Variants in ZC3H18 observed in about 807,000 individuals in gnomAD.
ZC3H18 encodes zinc finger CCCH domain-containing protein 18.
ZC3H18 carries 8 observed loss-of-function variants against 106.1 expected under a neutral mutation model. That is an observed-to-expected ratio of 0.08 (90% CI 0.04 to 0.14). The LOEUF (loss-of-function observed/expected upper bound fraction) is 0.14. ZC3H18 is among the 10% of genes least tolerant of loss of function. The pLI, the probability that ZC3H18 is intolerant of heterozygous loss-of-function variation, is 1.00. For synonymous variants in ZC3H18, 635 were observed against 522.1 expected (o/e 1.22, Z -2.95); for missense variants, 1,318 against 1,278.4 (o/e 1.03, Z -0.47).
intron 1 of ZC3H18, among the ~76,000 whole-genome samples, chr16:88,571,292 A>G (rs1165165294): frequency 6.6e-6 from 1 of 152,210 alleles, no homozygotes; most frequent in Non-Finnish European, 1.5e-5. Flanking sequence ...ACTCATTTGC[A>G]AGAGTAGGTC....
intron 2 of ZC3H18, among the ~76,000 whole-genome samples, chr16:88,584,268 C>G (rs927791862): frequency 1.3e-5 from 2 of 151,932 alleles, no homozygotes; most frequent in African/African-American, 4.8e-5. Flanking sequence ...CTAAAAATAA[C>G]AAAATTAGCC....
intron 3 of ZC3H18, among the ~76,000 whole-genome samples, chr16:88,588,103 T>C (rs542697510): frequency 6.6e-6 from 1 of 152,346 alleles, no homozygotes; most frequent in South Asian, 2.1e-4. Context: ...TGCGGTACGT[T>C]TTGGAAAAGC....
chr16:88,577,881 A>T (rs191444128), intron 2 of ZC3H18, among the ~76,000 whole-genome samples, 155 bp downstream of exon 2: 1 of 152,342 alleles, frequency 6.6e-6, no homozygotes, highest in South Asian at 2.1e-4. Context: ...GTTCAGTCCC[A>T]TAGTGATTGG....
chr16:88,582,605 G>C (rs1331246339), intron 2 of ZC3H18, among the ~76,000 whole-genome samples: 1 of 152,110 alleles, frequency 6.6e-6, no homozygotes, highest in Non-Finnish European at 1.5e-5. Context: ...TATTGCCAAA[G>C]CCCAGGAAGC....
intron 3 of ZC3H18, among the ~76,000 whole-genome samples, chr16:88,589,612 CG>C (rs1322834911): frequency 6.6e-6 from 1 of 151,296 alleles, no homozygotes; most frequent in African/African-American, 2.4e-5. Context: ...GCAACGTGGA[CG>C]AGCCTTGAAG....
chr16:88,592,932 A>G (rs951334558), intron 3 of ZC3H18, among the ~76,000 whole-genome samples: 1 of 152,232 alleles, frequency 6.6e-6, no homozygotes, highest in Non-Finnish European at 1.5e-5. Context: ...TTATTAAAGT[A>G]ATATTTATGT....
intron 6 of ZC3H18, among the ~76,000 whole-genome samples, chr16:88,601,796 GC>G (rs1436449167): frequency 6.6e-6 from 1 of 152,108 alleles, no homozygotes; most frequent in Non-Finnish European, 1.5e-5. Flanking sequence ...GGCCTTTTGT[GC>G]CATGCCTCCC....
At chr16:88,576,420 T>C (rs879452287) in intron 1 of ZC3H18, among the ~76,000 whole-genome samples, 2 of 152,126 alleles carry the variant, frequency 1.3e-5, no homozygotes, top group African/African-American at 2.4e-5. Flanking sequence ...CAGCTACCTG[T>C]ATGGGAAGAG....
rs1221804235 is a variant in ZC3H18, at chr16:88,631,707, C to T, written c.*408C>T. On this transcript the variant is annotated 3_prime_UTR_variant, in exon 18 of 18. Transcript: ENST00000301011. ...GAGCTGAGAAACGGAACCTCGCGAA[C>T]CACTGGTGGCACATCCTTCTCCTCC... is the stretch of plus-strand genomic sequence containing the variant. 4.5e-6 allele frequency: 2 copies of T among 446,388 alleles called. No individual in the cohort carries two copies. Among genetic ancestry groups the T allele is most frequent in the African/African-American group, 4.0e-5 (2 of 49,638 alleles). The allele number at this position is 446,388 out of a possible 1,614,324, so 27.7% of individuals were successfully genotyped here.
intron 2 of ZC3H18, among the ~76,000 whole-genome samples, chr16:88,584,608 G>A (rs370561619): frequency 7.2e-5 from 11 of 152,176 alleles, no homozygotes; most frequent in Admixed American, 2.6e-4. Flanking sequence ...TGGTCCTTGC[G>A]GGTGTAGAGG....
intron 8 of ZC3H18, among the ~76,000 whole-genome samples, chr16:88,615,751 G>A (rs1905559264): frequency 6.6e-6 from 1 of 152,188 alleles, no homozygotes; most frequent in Non-Finnish European, 1.5e-5. Flanking sequence ...CACTTTGGTG[G>A]CTTATGGGCA....
Position 88,625,182 on chromosome 16 carries a change from C to G in ZC3H18, c.2043-20C>G, listed in dbSNP as rs74033328. 1 of 1,567,394 alleles carries G rather than the reference C, an allele frequency of 6.4e-7. No individual in the cohort carries two copies. Among genetic ancestry groups the G allele is most frequent in the African/African-American group, 1.4e-5 (1 of 73,822 alleles). On this transcript the variant is annotated intron_variant, in intron 12 of 17. Coordinates refer to ENST00000301011, the MANE Select transcript of ZC3H18 (RefSeq NM_144604.4). The stretch of plus-strand genomic sequence containing the variant: ...TGTGGAGGCCACGCCCCCTGAGCCC[C>G]GCTGTTGCTTGTATTACAGGCGGAC...
At chr16:88,595,756 A>G (rs1017087604) in intron 3 of ZC3H18, among the ~76,000 whole-genome samples, 2 of 151,142 alleles carry the variant, frequency 1.3e-5, no homozygotes, top group African/African-American at 4.9e-5. Flanking sequence ...CAATGAGCCT[A>G]GGTCGCTCCA....
Position 88,623,356 on chromosome 16 carries a change from G to A in ZC3H18, c.1793+12G>A. ...GGAAGCCGGTCCAGGTATGTCCCCA[G>A]GGCCCATGAAGGGCCCTCAGCAGGT... On this transcript the variant is annotated intron_variant, in intron 10 of 17. Coordinates refer to ENST00000301011, the MANE Select transcript of ZC3H18 (RefSeq NM_144604.4). The A allele has an allele frequency of 6.2e-7, 1 of 1,612,344 alleles. No individual in the cohort carries two copies. Among genetic ancestry groups the A allele is most frequent in the South Asian group, 1.1e-5 (1 of 91,076 alleles).
Position 88,628,755 on chromosome 16 carries a change from C to T in ZC3H18, c.2470-3C>T. The T allele has an allele frequency of 2.5e-6, 4 of 1,613,924 alleles. No individual in the cohort carries two copies. The highest frequency in any genetic ancestry group is 3.4e-6 in the Non-Finnish European group (4 of 1,179,914). On this transcript the variant is annotated splice_polypyrimidine_tract_variant and splice_region_variant and intron_variant, in intron 15 of 17. Transcript: ENST00000301011. ...GTCCTCACTGGCCTCTCTCTTGTCC[C>T]AGGCGGCTGATAAAGGAAGCAGGAA...
At chr16:88,585,603 T>C (rs1242490887) in intron 2 of ZC3H18, among the ~76,000 whole-genome samples, 2 of 152,092 alleles carry the variant, frequency 1.3e-5, no homozygotes, top group South Asian at 4.1e-4. Context: ...CAAGCTTCCA[T>C]CTGAAAGTAA....
At chr16:88,605,061 T>C (rs1904945359) in intron 6 of ZC3H18, among the ~76,000 whole-genome samples, 1 of 152,176 alleles carries the variant, frequency 6.6e-6, no homozygotes, top group Non-Finnish European at 1.5e-5. Context: ...AAAAGCACAC[T>C]CCCTTTCCTC....
Position 88,622,842 on chromosome 16 carries a change from G to T in ZC3H18, c.1668-377G>T, listed in dbSNP as rs527671625. Reference sequence around the variant, plus strand: ...GGCCGGGGTAGACCCCATCATGCTCGGCAGGAACAGGAGGTGTGGGTGGGA... The same window carrying T: ...GGCCGGGGTAGACCCCATCATGCTCTGCAGGAACAGGAGGTGTGGGTGGGA... On this transcript the variant is annotated intron_variant, in intron 9 of 17. Transcript: ENST00000301011. The T allele has an allele frequency of 1.5e-4, 44 of 303,076 alleles. No homozygotes were observed. In the East Asian group the frequency reaches 3.1e-3, roughly 21 times the overall value. 18.8% of individuals were successfully genotyped at this position (303,076 alleles called of 1,614,324 possible).
In ZC3H18 at chr16:88,599,875, C is replaced by T. The variant is rs1232918828; in HGVS notation, c.1015C>T (p.Arg339Trp). The change falls in exon 6 of 18, where the codon CGG becomes TGG. Residue 339 changes from arginine (R) to tryptophan (W), a missense_variant. Arg to Trp is a moderately radical substitution (Grantham distance 101). Transcript: ENST00000301011. Reference protein sequence around the residue: ...RFTVTIGEDEREFDKENEVFR... With the variant: ...RFTVTIGEDEWEFDKENEVFR... ...TACGGTGACCATTGGCGAAGACGAA[C>T]GGGAATTTGACAAAGAAAATGAAGT... 1.3e-5 allele frequency: 21 copies of T among 1,614,086 alleles called. No homozygotes were observed. Among genetic ancestry groups the T allele is most frequent in the Middle Eastern group, 1.6e-4 (1 of 6,084 alleles).
Sources: gnomAD v4.1 joint callset for allele counts (sites outside exome capture counted in the v4.1 genomes callset) on GRCh38, gnomAD v4.1.1 for gene constraint, MANE v1.5 for transcripts, NCBI Gene and HGNC (gene_info 2026-07-23, HGNC 2026-07-21) for gene names.